PHLDB3: variants seen among roughly 807,000 people sequenced by gnomAD.
PHLDB3 encodes pleckstrin homology like domain family B member 3.
In PHLDB3, 86 loss-of-function variants were observed where a neutral mutation model predicts 85.7. That is an observed-to-expected ratio of 1.00 (90% confidence interval 0.84 to 1.20). The LOEUF (loss-of-function observed/expected upper bound fraction) is 1.20. PHLDB3 is among the 50% of genes most tolerant of loss of function. The pLI is 0.00. For missense variants in PHLDB3, 995 were observed against 873.0 expected, an observed-to-expected ratio of 1.14 and a Z score of -1.76; for synonymous variants, 376 against 349.8, an observed-to-expected ratio of 1.07 and a Z score of -0.83.
intron 13 of PHLDB3, among the ~76,000 whole-genome samples, chr19:43,483,324 G>A (rs1454395823): frequency 2.6e-5 from 4 of 151,288 alleles, no homozygotes; most frequent in Non-Finnish European, 4.4e-5. Context: ...CACTGAAGCT[G>A]GAGTGCAGTG....
At chr19:43,484,518 G>C (rs776818273) in intron 13 of PHLDB3, among the ~76,000 whole-genome samples, 9 of 151,220 alleles carry the variant, frequency 6.0e-5, no homozygotes, top group Admixed American at 2.6e-4. Flanking sequence ...GACCAGCCCG[G>C]ACAGCATGGC....
In PHLDB3 at chr19:43,480,856, T is replaced by C. The variant is rs149713627; in HGVS notation, c.1486-1263A>G. On this transcript the variant is annotated intron_variant, in intron 13 of 15. Coordinates refer to ENST00000292140, the MANE Select transcript of PHLDB3 (RefSeq NM_198850.4). ...GGTCACCTCAGATGGTCATACAGGT[T>C]GGGGAGGAGGATTTAAGGCAATACA... is the stretch of plus-strand genomic sequence containing the variant. Among the ~76,000 whole-genome samples, 17 of 152,140 alleles carry C rather than the reference T, an allele frequency of 1.1e-4. No individual in the cohort carries two copies. The East Asian group carries it at 3.3e-3, about 29-fold the overall frequency.
In PHLDB3 at chr19:43,475,389, C is replaced by G. The variant is rs1207204618; in HGVS notation, c.*21G>C. The G allele has an allele frequency of 6.2e-7, 1 of 1,610,184 alleles. No individual in the cohort carries two copies. Among genetic ancestry groups the G allele is most frequent in the Admixed American group, 1.7e-5 (1 of 59,712 alleles). On this transcript the variant is annotated 3_prime_UTR_variant, in exon 16 of 16. Transcript: ENST00000292140. Reference sequence around the variant, plus strand: ...GCCGGCGGAGCCTCGAAGGGACTTCCCCCCAAGAGGGCGGGGCCACTCAGG... The same window carrying G: ...GCCGGCGGAGCCTCGAAGGGACTTCGCCCCAAGAGGGCGGGGCCACTCAGG...
Position 43,478,145 on chromosome 19 carries a change from G to GT in PHLDB3, c.1703-14dup, listed in dbSNP as rs776790259. The GT allele has an allele frequency of 6.2e-7, 1 of 1,602,858 alleles. No individual in the cohort carries two copies. Among genetic ancestry groups the GT allele is most frequent in the Non-Finnish European group, 8.5e-7 (1 of 1,170,046 alleles). ...GTCTCTTCCTTGTCTGGTAGGGGAG[G>GT]TAAGAGAAAAAGAGAGCCAGTGAGA... On this transcript the variant is annotated splice_polypyrimidine_tract_variant and intron_variant, in intron 14 of 15. Transcript: ENST00000292140.
chr19:43,475,222 G>C lies in PHLDB3; in HGVS notation c.*188C>G, dbSNP rs1347329429. The C allele has an allele frequency of 8.0e-6, 6 of 746,860 alleles. No individual in the cohort carries two copies. In the Admixed American group the frequency reaches 1.2e-4, roughly 16 times the overall value. The allele number at this position is 746,860 out of a possible 1,614,324, so 46.3% of individuals were successfully genotyped here. ...GCCTTAGGGGCCGGCGATCCCGTCG[G>C]GGGCAAGGCACCTGCAACCCAGAAC... On this transcript the variant is annotated 3_prime_UTR_variant, in exon 16 of 16. Coordinates refer to ENST00000292140, the MANE Select transcript of PHLDB3 (RefSeq NM_198850.4).
chr19:43,484,196 A>C (rs1012065281), intron 13 of PHLDB3, among the ~76,000 whole-genome samples: 1 of 150,980 alleles, frequency 6.6e-6, no homozygotes, highest in African/African-American at 2.4e-5. Context: ...GATTGCAGTG[A>C]GCCGAGATTG....
In PHLDB3 at chr19:43,503,923, C is replaced by G. The variant is rs758735273; in HGVS notation, c.196G>C (p.Glu66Gln). 6.2e-7 allele frequency: 1 copy of G among 1,613,916 alleles called. No homozygotes were observed. The highest frequency in any genetic ancestry group is 8.5e-7 in the Non-Finnish European group (1 of 1,179,818). ...CCCCTCACCGCGTCGCGGCTGCTCT[C>G]AGTGCTGCTGCCTTCTCCCACTTCT... ...EEEVGEGSST[E>Q]SSRDAPEATP... Residue 66 changes from glutamate (E) to glutamine (Q), a missense_variant, in exon 2 of 16, where the codon GAG becomes CAG. Coordinates refer to ENST00000292140, the MANE Select transcript of PHLDB3 (RefSeq NM_198850.4).
chr19:43,477,453 G>C (rs1270730020), intron 15 of PHLDB3, among the ~76,000 whole-genome samples: 21 of 150,400 alleles, frequency 1.4e-4, no homozygotes, highest in Non-Finnish European at 7.4e-5. Context: ...GGAGGCAGAG[G>C]TTGCAGTGAG....
At chr19:43,491,945 G>GTT (rs35827061) in intron 9 of PHLDB3, among the ~76,000 whole-genome samples, 9 of 129,570 alleles carry the variant, frequency 6.9e-5, no homozygotes, top group Admixed American at 1.7e-4. Context: ...GCACCTGGCC[G>GTT]TTTTTTTTTT....
chr19:43,485,986 C>T (rs1283224708), intron 13 of PHLDB3: 1 of 985,258 alleles, frequency 1.0e-6, no homozygotes, highest in African/African-American at 1.7e-5. Flanking sequence ...ATGGACTTGT[C>T]CTCCTTCTGT....
Position 43,502,237 on chromosome 19 carries a change from G to A in PHLDB3, c.260C>T (p.Ser87Phe). 6.4e-7 allele frequency: 1 copy of A among 1,563,610 alleles called. No individual in the cohort carries two copies. Among genetic ancestry groups the A allele is most frequent in the Admixed American group, 1.9e-5 (1 of 52,536 alleles). ...PIAMAATPPA[S>F]TSSREGVRGA... ...TCGCACCCCTTCCCGCGAAGAGGTGGATGCGGGAGGTGTGGCCGCCATAGC... is the reference window on the plus strand; with the variant it reads ...TCGCACCCCTTCCCGCGAAGAGGTGAATGCGGGAGGTGTGGCCGCCATAGC... Residue 87 changes from serine (S) to phenylalanine (F), a missense_variant, in exon 3 of 16, where the codon TCC becomes TTC. Ser to Phe is a radical substitution (Grantham distance 155). Transcript: ENST00000292140.
intron 4 of PHLDB3, among the ~76,000 whole-genome samples, chr19:43,498,708 T>A (rs1465655558): frequency 6.6e-6 from 1 of 152,102 alleles, no homozygotes; most frequent in Non-Finnish European, 1.5e-5. Flanking sequence ...GCTGCAGTGA[T>A]TGCACTACTG....
At position 43,486,698 on chromosome 19, in the gene PHLDB3, TAGG is replaced by T. The variant is rs2145909472; in HGVS notation, c.1341-5_1341-3del. 3.7e-6 allele frequency: 6 copies of T among 1,613,904 alleles called. No individual in the cohort carries two copies. The highest frequency in any genetic ancestry group is 5.1e-6 in the Non-Finnish European group (6 of 1,179,816). Reference sequence around the variant, plus strand: ...ATGTCTGGATGGATGGCCCCACAGCTAGGAGGAGGGAACACAGACGGGGTGGGT... The same window carrying T: ...ATGTCTGGATGGATGGCCCCACAGCTAGGAGGGAACACAGACGGGGTGGGT... On this transcript the variant is annotated splice_polypyrimidine_tract_variant and splice_region_variant and intron_variant, in intron 11 of 15. Transcript: ENST00000292140.
At chr19:43,479,653 C>G (rs1261598897) in intron 13 of PHLDB3, 60 bp from the exon 14 acceptor site, 1 of 1,250,822 alleles carries the variant, frequency 8.0e-7, no homozygotes, top group Non-Finnish European at 1.1e-6. Flanking sequence ...CAGCCTGGAG[C>G]CCCTCGAGGG....
At position 43,497,296 on chromosome 19, in the gene PHLDB3, A is replaced by G; in HGVS notation, c.664-17T>C. 45 of 1,408,316 alleles carry G rather than the reference A, an allele frequency of 3.2e-5. No homozygotes were observed. Among genetic ancestry groups the G allele is most frequent in the Non-Finnish European group, 4.1e-5 (44 of 1,076,022 alleles). 87.2% of individuals were successfully genotyped at this position (1,408,316 alleles called of 1,614,324 possible). A position where few individuals can be genotyped will look rare whatever the true frequency, so the allele number is the denominator to read the frequency against. ...TTCCCTCATCTATAGGTCGGAACAC[A>G]AAAAGGGTGGAGGCCTGAATCCCTA... On this transcript the variant is annotated splice_polypyrimidine_tract_variant and intron_variant, in intron 5 of 15. Coordinates refer to ENST00000292140, the MANE Select transcript of PHLDB3 (RefSeq NM_198850.4).
In PHLDB3 at chr19:43,502,285, T is replaced by C. The variant is rs555733520; in HGVS notation, c.214-2A>G. 2.6e-6 allele frequency: 4 copies of C among 1,553,026 alleles called. No homozygotes were observed. In the East Asian group the frequency reaches 7.2e-5, roughly 28 times the overall value. On this transcript the variant is annotated splice_acceptor_variant, in intron 2 of 15. Transcript: ENST00000292140. LOFTEE classifies it high-confidence loss of function. ...AGCTATCGGAGGCGTAGCCTCGGGC[T>C]GAAGTTGAGGGGGGCGTGGTTAAGT...
intron 6 of PHLDB3, 183 bp downstream of exon 6, chr19:43,496,935 T>C: frequency 1.1e-6 from 1 of 919,726 alleles, no homozygotes; most frequent in Non-Finnish European, 1.4e-6. Flanking sequence ...AGTGAGGAAA[T>C]GCTCATGAAA....
At chr19:43,488,281 C>T (rs1027718883) in intron 9 of PHLDB3, among the ~76,000 whole-genome samples, 3 of 151,936 alleles carry the variant, frequency 2.0e-5, no homozygotes, top group Non-Finnish European at 4.4e-5. Context: ...CATGGTGAAA[C>T]TCTGTCTCTA....
rs199586161 is a variant in PHLDB3, at chr19:43,475,525, G to A, written c.1808C>T (p.Thr603Ile). Residue 603 changes from threonine to isoleucine, a missense_variant, in exon 16 of 16, where the codon ACC becomes ATC. Thr to Ile is a moderately conservative substitution (Grantham distance 89, BLOSUM62 -1). Coordinates refer to ENST00000292140, the MANE Select transcript of PHLDB3 (RefSeq NM_198850.4). ...GCGTTCGTAGGTTTTGACGCAGAAG[G>A]TCAGGCGGGGGTTGGGGCTCTGGAA... ...CAFKSPNPRL[T>I]FCVKTYERLF... The A allele has an allele frequency of 6.2e-7, 1 of 1,613,974 alleles. No individual in the cohort carries two copies. Among genetic ancestry groups the A allele is most frequent in the African/African-American group, 1.3e-5 (1 of 75,058 alleles).
Sources: allele counts gnomAD v4.1 joint callset (sites outside exome capture counted in the v4.1 genomes callset), GRCh38; gene constraint gnomAD v4.1.1; transcripts MANE v1.5; gene names NCBI Gene and HGNC (gene_info 2026-07-23, HGNC 2026-07-21).